Variants in USP6NL observed in about 807,000 individuals in gnomAD.
USP6NL encodes the protein USP6 N-terminal-like protein.
Under a neutral mutation model 61.9 loss-of-function variants are expected in USP6NL, and 26 were observed. The ratio of observed to expected loss-of-function variants is 0.42; its 90% CI spans 0.31 to 0.58. The LOEUF (loss-of-function observed/expected upper bound fraction) is 0.58. Ranked by LOEUF, USP6NL falls within the 20% of genes least tolerant of loss-of-function variation. The pLI is 0.16. For missense variants in USP6NL, 1,114 were observed against 1,034.3 expected, an observed-to-expected ratio of 1.08 and a Z score of -1.06; for synonymous variants, 432 against 390.1, an observed-to-expected ratio of 1.11 and a Z score of -1.27.
chr10:11,553,694 G>C lies in USP6NL; in HGVS notation c.5-26127C>G, dbSNP rs569307672. On this transcript the variant is annotated intron_variant, in intron 2 of 14. Transcript: ENST00000609104. This position sits in a 1 kb window ranked among gnomAD's most constrained non-coding sequence, Gnocchi z 4.8. ...TGGATTATCTGAGGTCAGGAGTTAA[G>C]AGACCAGCCTGACCAACATGATGAA... Among the ~76,000 whole-genome samples, 21 of 151,940 alleles carry C rather than the reference G, an allele frequency of 1.4e-4. No individual in the cohort carries two copies. Among genetic ancestry groups the C allele is most frequent in the Non-Finnish European group, 2.6e-4 (18 of 67,972 alleles).
rs1834667505 is a variant in USP6NL at position 11,510,639 on chromosome 10, G to GTC, written c.196-965_196-964insGA. On this transcript the variant is annotated intron_variant, in intron 5 of 14. Transcript: ENST00000609104. This position sits in a 1 kb window ranked among gnomAD's most constrained non-coding sequence, Gnocchi z 4.8. ...TTTTCCTAAGTACCTGGGCCCATGAGTAGTAAGTATATGAATAAAAAGCAA... is the reference window on the plus strand; with the variant it reads ...TTTTCCTAAGTACCTGGGCCCATGAGTCTAGTAAGTATATGAATAAAAAGCAA... 1.1e-5 allele frequency among the ~76,000 whole-genome samples: 1 copy of GTC among 88,048 alleles called. No homozygotes were observed. Among genetic ancestry groups the GTC allele is most frequent in the Non-Finnish European group, 2.3e-5 (1 of 42,570 alleles). 57.8% of individuals were successfully genotyped at this position (88,048 alleles called of 152,430 possible). A position where few individuals can be genotyped will look rare whatever the true frequency, so the allele number is the denominator to read the frequency against.
intron 6 of USP6NL, among the ~76,000 whole-genome samples, chr10:11,504,685 G>A (rs1000766826): frequency 6.6e-5 from 10 of 152,208 alleles, no homozygotes; most frequent in Admixed American, 3.9e-4. Flanking sequence ...TGTGGCCAAC[G>A]CTTATGAGGT....
At position 11,481,292 on chromosome 10, in the gene USP6NL, C is replaced by T. The variant is rs1833187100; in HGVS notation, c.1078+478G>A. The stretch of plus-strand genomic sequence containing the variant: ...GCTAGTAGTCAGAAAAACTGGCCTG[C>T]AGTCTCAGTAATGCTATTTGTGGTT... On this transcript the variant is annotated intron_variant, in intron 14 of 14. Coordinates refer to ENST00000609104, the MANE Select transcript of USP6NL (RefSeq NM_014688.5). The surrounding 1 kb of genome is among the most constrained non-coding windows in gnomAD (Gnocchi z 4.4). Among the ~76,000 whole-genome samples, 6 of 147,818 alleles carry T rather than the reference C, an allele frequency of 4.1e-5. No individual in the cohort carries two copies. The highest frequency in any genetic ancestry group is 3.4e-4 in the Admixed American group (5 of 14,538).
rs1475940206 is a variant in USP6NL, at chr10:11,574,936, G to A, written c.4+22695C>T. Among the ~76,000 whole-genome samples, 3 of 152,174 alleles carry A rather than the reference G, an allele frequency of 2.0e-5. No homozygotes were observed. The highest frequency in any genetic ancestry group is 2.9e-5 in the Non-Finnish European group (2 of 68,026). The stretch of plus-strand genomic sequence containing the variant: ...GTCTAGTTTTAAAATTCAAGGTGAA[G>A]TTTTCAGCTCTTCAGACACGACGTG... On this transcript the variant is annotated intron_variant, in intron 2 of 14. Coordinates refer to ENST00000609104, the MANE Select transcript of USP6NL (RefSeq NM_014688.5). The surrounding 1 kb of genome is among the most constrained non-coding windows in gnomAD (Gnocchi z 4.3).
Position 11,465,160 on chromosome 10 carries a change from A to G in USP6NL, c.1079-1311T>C, listed in dbSNP as rs149493859. ...AAGACATGAATAATAGAAAGACTGA[A>G]TTTATAAACTTTCCTTTAGTCCTCA... On this transcript the variant is annotated intron_variant, in intron 14 of 14. Transcript: ENST00000609104. The surrounding 1 kb of genome is among the most constrained non-coding windows in gnomAD (Gnocchi z 4.5). 4.7e-4 allele frequency among the ~76,000 whole-genome samples: 72 copies of G among 152,294 alleles called. 1 individual carries two copies. Among genetic ancestry groups the G allele is most frequent in the African/African-American group, 1.7e-3 (71 of 41,560 alleles).
intron 7 of USP6NL, among the ~76,000 whole-genome samples, chr10:11,493,932 C>A (rs1014157952): frequency 6.6e-6 from 1 of 152,202 alleles, no homozygotes; most frequent in African/African-American, 2.4e-5. Flanking sequence ...GGTCTTGGAG[C>A]CTCCCTTCTC....
chr10:11,554,421 G>A (rs1386974796), intron 2 of USP6NL, among the ~76,000 whole-genome samples: 4 of 152,168 alleles, frequency 2.6e-5, no homozygotes, highest in Admixed American at 2.0e-4. Context: ...AATAAAAAAT[G>A]TAAAAGCTAA....
chr10:11,469,899 T>C (rs1249543968), intron 14 of USP6NL, among the ~76,000 whole-genome samples: 1 of 152,146 alleles, frequency 6.6e-6, no homozygotes, highest in Non-Finnish European at 1.5e-5. Context: ...CCAACGTCCA[T>C]CTCCCATGAA....
rs1339383995 is a variant in USP6NL, at chr10:11,511,742, C to T, written c.196-2067G>A. Among the ~76,000 whole-genome samples, 6 of 151,968 alleles carry T rather than the reference C, an allele frequency of 3.9e-5. No homozygotes were observed. Among genetic ancestry groups the T allele is most frequent in the Non-Finnish European group, 5.9e-5 (4 of 68,004 alleles). The stretch of plus-strand genomic sequence containing the variant: ...ACATTCCCACGCTGCAAGAACAAAA[C>T]ACACACATACACATACAAAAAAAAT... On this transcript the variant is annotated intron_variant, in intron 5 of 14. Transcript: ENST00000609104. This position sits in a 1 kb window ranked among gnomAD's most constrained non-coding sequence, Gnocchi z 4.9.
rs1159210690 is a variant in USP6NL at position 11,482,842 on chromosome 10, CAGAA to C, written c.926-924_926-921del. On this transcript the variant is annotated intron_variant, in intron 13 of 14. Coordinates refer to ENST00000609104, the MANE Select transcript of USP6NL (RefSeq NM_014688.5). This position sits in a 1 kb window ranked among gnomAD's most constrained non-coding sequence, Gnocchi z 4.0. ...TTAGCTAACTATTGGTTAATATGCC[CAGAA>C]AGAGTTTTTCTTTTTTTTAATTGGC... is the stretch of plus-strand genomic sequence containing the variant. 6.6e-6 allele frequency among the ~76,000 whole-genome samples: 1 copy of C among 152,042 alleles called. No homozygotes were observed. Among genetic ancestry groups the C allele is most frequent in the Non-Finnish European group, 1.5e-5 (1 of 68,012 alleles).
rs924043649 is a variant in USP6NL, at chr10:11,575,886, G to C, written c.4+21745C>G. On this transcript the variant is annotated intron_variant, in intron 2 of 14. Transcript: ENST00000609104. This position sits in a 1 kb window ranked among gnomAD's most constrained non-coding sequence, Gnocchi z 4.2. ...AAATGCAAAACAGGATCCCAGATTA[G>C]ATAGTAGGCCAAAAAGGGTGAGGGG... Among the ~76,000 whole-genome samples, 2 of 152,174 alleles carry C rather than the reference G, an allele frequency of 1.3e-5. No homozygotes were observed. The highest frequency in any genetic ancestry group is 6.5e-5 in the Admixed American group (1 of 15,274).
At chr10:11,556,620 T>C (rs569534343) in intron 2 of USP6NL, among the ~76,000 whole-genome samples, 113 of 152,240 alleles carry the variant, frequency 7.4e-4, no homozygotes, top group African/African-American at 2.7e-3. Flanking sequence ...AGAAATCTGA[T>C]AACACTGTAC....
At chr10:11,538,398 T>C (rs1253490000) in intron 2 of USP6NL, among the ~76,000 whole-genome samples, 1 of 152,246 alleles carries the variant, frequency 6.6e-6, no homozygotes, top group African/African-American at 2.4e-5. Flanking sequence ...ACTGAATATA[T>C]GTATTACATG....
intron 2 of USP6NL, among the ~76,000 whole-genome samples, chr10:11,577,058 TTC>T (rs1837574237): frequency 6.7e-6 from 1 of 150,262 alleles, no homozygotes; most frequent in South Asian, 2.1e-4. Flanking sequence ...TCCTTTAGAA[TTC>T]TTTTTTTTTT....
At position 11,573,437 on chromosome 10, in the gene USP6NL, T is replaced by C. The variant is rs1837431559; in HGVS notation, c.4+24194A>G. ...GTTCAAAAACAGTAATAATGAGGCA[T>C]GTTAACAATTATGCCATTACCTGAT... On this transcript the variant is annotated intron_variant, in intron 2 of 14. Coordinates refer to ENST00000609104, the MANE Select transcript of USP6NL (RefSeq NM_014688.5). 41 of 388,444 alleles carry C rather than the reference T, an allele frequency of 1.1e-4. No homozygotes were observed. The East Asian group carries it at 1.5e-3, about 14-fold the overall frequency. The allele number at this position is 388,444 out of a possible 1,614,324, so 24.1% of individuals were successfully genotyped here.
Position 11,529,459 on chromosome 10 carries a change from G to A in USP6NL, c.5-1892C>T, listed in dbSNP as rs536897488. 2.0e-5 allele frequency among the ~76,000 whole-genome samples: 3 copies of A among 152,270 alleles called. No individual in the cohort carries two copies. The South Asian group carries it at 6.2e-4, about 32-fold the overall frequency. On this transcript the variant is annotated intron_variant, in intron 2 of 14. Transcript: ENST00000609104. ...AATGAGATCATCAAACAAGCGCAAG[G>A]TTGTTTATAATAGTAAAAACAACAG...
intron 14 of USP6NL, among the ~76,000 whole-genome samples, chr10:11,479,615 G>A (rs1054668068): frequency 1.4e-5 from 2 of 142,622 alleles, no homozygotes; most frequent in Non-Finnish European, 3.0e-5. Flanking sequence ...TCACTTTGTC[G>A]CCCAGGTTGG....
chr10:11,520,444 G>A lies in USP6NL; in HGVS notation c.156-1870C>T, dbSNP rs539861735. On this transcript the variant is annotated intron_variant, in intron 4 of 14. Coordinates refer to ENST00000609104, the MANE Select transcript of USP6NL (RefSeq NM_014688.5). The surrounding 1 kb of genome is among the most constrained non-coding windows in gnomAD (Gnocchi z 5.2). ...ATATGCTTAAATTTCACACCCTTCC[G>A]AGGATGACACTGCTGCTGCTTACCA... 1.2e-3 allele frequency among the ~76,000 whole-genome samples: 183 copies of A among 152,254 alleles called. 2 individuals are homozygous for A. Among genetic ancestry groups the A allele is most frequent in the African/African-American group, 4.1e-3 (171 of 41,548 alleles).
chr10:11,462,260 C>T lies in USP6NL; in HGVS notation c.*181G>A, dbSNP rs1566105655. On this transcript the variant is annotated 3_prime_UTR_variant, in exon 15 of 15. Transcript: ENST00000609104. ...CAGGTCAGTGATGATGCAATTGAAA[C>T]GCTCATCTTAAGCAGCATCTACGTG... The T allele has an allele frequency of 1.4e-6, 1 of 714,088 alleles. No homozygotes were observed. Among genetic ancestry groups the T allele is most frequent in the Non-Finnish European group, 2.2e-6 (1 of 451,580 alleles). 44.2% of individuals were successfully genotyped at this position (714,088 alleles called of 1,614,324 possible). A position where few individuals can be genotyped will look rare whatever the true frequency, so the allele number is the denominator to read the frequency against.
Sources: allele counts gnomAD v4.1 joint callset (sites outside exome capture counted in the v4.1 genomes callset), GRCh38; gene constraint gnomAD v4.1.1; non-coding constraint Gnocchi (gnomAD v3.1); transcripts MANE v1.5; gene names NCBI Gene and HGNC (gene_info 2026-07-23, HGNC 2026-07-21).